FAM209A: variants seen among roughly 807,000 people sequenced by gnomAD.
FAM209A encodes the protein family with sequence similarity 209 member A.
Under a neutral mutation model 9.8 loss-of-function variants are expected in FAM209A, and 4 were observed. The ratio of observed to expected loss-of-function variants is 0.41; its 90% CI spans 0.20 to 0.94. The LOEUF (loss-of-function observed/expected upper bound fraction) is 0.94. Ranked by LOEUF, FAM209A falls within the 40% of genes least tolerant of loss-of-function variation. The probability of loss-of-function intolerance (pLI) is 0.32; values close to 1 mark genes in which losing one functional copy is unlikely to be tolerated. For synonymous variants in FAM209A, 55 were observed against 77.8 expected (o/e 0.71, Z 1.54); for missense variants, 205 against 209.4 (o/e 0.98, Z 0.13).
chr20:56,525,890 A>T lies in FAM209A; in HGVS notation c.336A>T (p.Ala112=). ...KRNASPNKDC[A]FNTLMELEVE... ...ATGCTTCCCCCAACAAAGACTGTGC[A>T]TTCAATACCTTAATGGAACTCGAGG... The change falls in exon 2 of 2, where the codon GCA becomes GCT. Residue 112 remains alanine, a synonymous_variant. Transcript: ENST00000371328. 1 of 1,614,246 alleles carries T rather than the reference A, an allele frequency of 6.2e-7. No individual in the cohort carries two copies. The highest frequency in any genetic ancestry group is 8.5e-7 in the Non-Finnish European group (1 of 1,180,038).
rs983132547 is a variant in FAM209A, at chr20:56,525,741, A to G, written c.250-63A>G. ...AACTACTCAAGTCTGCTGTTGTAAC[A>G]CGAACTGTGTCAAAACCAACAAAGT... On this transcript the variant is annotated intron_variant, in intron 1 of 1. Coordinates refer to ENST00000371328, the MANE Select transcript of FAM209A (RefSeq NM_001012971.4). 3.9e-6 allele frequency: 6 copies of G among 1,545,580 alleles called. No homozygotes were observed. The African/African-American group carries it at 6.9e-5, about 18-fold the overall frequency.
Position 56,524,834 on chromosome 20 carries a change from TCCTGCTTCTGTG to T in FAM209A, c.30_41del (p.Leu11_Leu14del), listed in dbSNP as rs1442846939. ...ATGTGGACGCTGAAATCGTCCCTGG[TCCTGCTTCTGTG>T]CCTCACCTGCAGCTATGCCTTTATG... On this transcript the variant is annotated inframe_deletion, in exon 1 of 2. Coordinates refer to ENST00000371328, the MANE Select transcript of FAM209A (RefSeq NM_001012971.4). 2 of 1,614,082 alleles carry T rather than the reference TCCTGCTTCTGTG, an allele frequency of 1.2e-6. No individual in the cohort carries two copies. The highest frequency in any genetic ancestry group is 2.7e-5 in the African/African-American group (2 of 74,932).
chr20:56,524,965 C>A lies in FAM209A; in HGVS notation c.157C>A (p.Gln53Lys). The A allele has an allele frequency of 1.9e-6, 3 of 1,614,190 alleles. No individual in the cohort carries two copies. Among genetic ancestry groups the A allele is most frequent in the Non-Finnish European group, 2.5e-6 (3 of 1,180,034 alleles). The change falls in exon 1 of 2, where the codon CAA (glutamine) becomes AAA (lysine). Residue 53 changes from glutamine to lysine, a missense_variant. By Grantham distance (53) the Gln-to-Lys change is moderately conservative (BLOSUM62 1). Transcript: ENST00000371328. ...RIRQNLPEHT[Q>K]GWLGSKWLWL... ...TCGGCAGAATCTACCAGAGCACACC[C>A]AAGGCTGGCTTGGGAGCAAATGGCT...
downstream of FAM209A, among the ~76,000 whole-genome samples, chr20:56,529,431 T>C (rs763456140): frequency 2.6e-4 from 38 of 144,154 alleles, no homozygotes; most frequent in South Asian, 9.1e-4. Context: ...GCAGGAGAAT[T>C]GCTTGAACCC....
the FAM209A span, among the ~76,000 whole-genome samples, chr20:56,531,185 A>G: frequency 6.6e-6 from 1 of 151,390 alleles, no homozygotes; most frequent in Admixed American, 6.6e-5. Context: ...CCCCTGCTCT[A>G]CTCAACCATC....
At position 56,524,968 on chromosome 20, in the gene FAM209A, G is replaced by T. The variant is rs530983630; in HGVS notation, c.160G>T (p.Gly54Cys). ...IRQNLPEHTQ[G>C]WLGSKWLWLL... Reference sequence around the variant, plus strand: ...GCAGAATCTACCAGAGCACACCCAAGGCTGGCTTGGGAGCAAATGGCTCTG... The same window carrying T: ...GCAGAATCTACCAGAGCACACCCAATGCTGGCTTGGGAGCAAATGGCTCTG... Residue 54 changes from glycine to cysteine, a missense_variant, in exon 1 of 2, where the codon GGC becomes TGC. By Grantham distance (159) the Gly-to-Cys change is radical. Coordinates refer to ENST00000371328, the MANE Select transcript of FAM209A (RefSeq NM_001012971.4). 1 of 1,614,196 alleles carries T rather than the reference G, an allele frequency of 6.2e-7. No homozygotes were observed. The highest frequency in any genetic ancestry group is 1.3e-5 in the African/African-American group (1 of 75,052).
At chr20:56,527,501 T>C (rs1985582968), downstream of FAM209A, among the ~76,000 whole-genome samples, 1 of 152,122 alleles carries the variant, frequency 6.6e-6, no homozygotes. Context: ...ATCTGCAAAA[T>C]GTCTCTTGCC....
chr20:56,529,594 C>T (rs371289017), downstream of FAM209A, among the ~76,000 whole-genome samples: 1 of 151,992 alleles, frequency 6.6e-6, no homozygotes, highest in African/African-American at 2.4e-5. Context: ...TTTGGGAGGC[C>T]GAGACAGGTG....
intron 1 of FAM209A, 79 bp from the exon 2 acceptor site, chr20:56,525,725 A>T: frequency 7.0e-7 from 1 of 1,438,516 alleles, no homozygotes; most frequent in East Asian, 2.3e-5. Context: ...CAACTACTCA[A>T]GTCTGCTGTT....
At chr20:56,533,445 A>G in the FAM209A span, 1 of 1,610,638 alleles carries the variant, frequency 6.2e-7, no homozygotes, top group Admixed American at 1.7e-5. Context: ...CCCCAGGGGA[A>G]GGTGCCGTGT....
At chr20:56,527,019 C>G (rs527921893), downstream of FAM209A, among the ~76,000 whole-genome samples, 1 of 152,202 alleles carries the variant, frequency 6.6e-6, no homozygotes, top group Non-Finnish European at 1.5e-5. Context: ...CTTTATCCTA[C>G]TTATTCAAAA....
At chr20:56,533,413 T>A in the FAM209A span, 7 of 1,614,046 alleles carry the variant, frequency 4.3e-6, no homozygotes, top group South Asian at 1.1e-5. Context: ...TGTTCTCTTC[T>A]CTGAGACAGA....
downstream of FAM209A, among the ~76,000 whole-genome samples, chr20:56,528,647 G>C (rs1985640287): frequency 6.6e-6 from 1 of 151,972 alleles, no homozygotes; most frequent in Non-Finnish European, 1.5e-5. Flanking sequence ...TAGTCCTAGG[G>C]AAACAGAATC....
downstream of FAM209A, among the ~76,000 whole-genome samples, chr20:56,529,201 G>A (rs1424702982): frequency 6.8e-6 from 1 of 147,216 alleles, no homozygotes. Flanking sequence ...GAGTGAGACC[G>A]TATTTCAAAA....
chr20:56,527,405 G>C (rs1985576531), downstream of FAM209A, among the ~76,000 whole-genome samples: 1 of 152,280 alleles, frequency 6.6e-6, no homozygotes, highest in South Asian at 2.1e-4. Flanking sequence ...ACTTCCCCAA[G>C]GGGCCAGGTT....
chr20:56,533,013 C>A, the FAM209A span: 2 of 315,762 alleles, frequency 6.3e-6, no homozygotes, highest in Non-Finnish European at 9.2e-6. Flanking sequence ...GTGTTTGGAT[C>A]AAACAAATGA....
chr20:56,530,750 C>G (rs530921273), downstream of FAM209A, among the ~76,000 whole-genome samples: 1 of 150,428 alleles, frequency 6.6e-6, no homozygotes. Context: ...CTCAGATGAT[C>G]TGCTCACATT....
chr20:56,526,386 G>A (rs1440287176), downstream of FAM209A, among the ~76,000 whole-genome samples: 1 of 152,278 alleles, frequency 6.6e-6, no homozygotes, highest in African/African-American at 2.4e-5. Flanking sequence ...AGATGCTGAC[G>A]TCACTTCCAT....
chr20:56,526,748 C>T (rs953340285), downstream of FAM209A, among the ~76,000 whole-genome samples: 10 of 151,376 alleles, frequency 6.6e-5, no homozygotes, highest in African/African-American at 2.2e-4. Flanking sequence ...GGTGACAGAG[C>T]GAGACTCCAT....
Sources: allele counts gnomAD v4.1 joint callset (sites outside exome capture counted in the v4.1 genomes callset), GRCh38; gene constraint gnomAD v4.1.1; transcripts MANE v1.5; gene names NCBI Gene and HGNC (gene_info 2026-07-23, HGNC 2026-07-21).